The following AKAP19 variants were observed in gnomAD, a reference collection of about 807,000 sequenced individuals.
AKAP19 encodes A-kinase anchoring protein 19, also known as small A-kinase anchoring protein.
chr2:190,055,520 T>C, the AKAP19 span, among the ~76,000 whole-genome samples: 1 of 152,174 alleles, frequency 6.6e-6, no homozygotes, highest in Non-Finnish European at 1.5e-5. Context: ...ATATAACTAC[T>C]CCTTGCTTTC....
the AKAP19 span, among the ~76,000 whole-genome samples, chr2:190,042,216 G>A: frequency 6.6e-6 from 1 of 152,036 alleles, no homozygotes; most frequent in Non-Finnish European, 1.5e-5. Flanking sequence ...GTCTGTTCAG[G>A]GAATCAGTTA....
chr2:189,921,167 GT>G, the AKAP19 span, among the ~76,000 whole-genome samples: 1 of 152,152 alleles, frequency 6.6e-6, no homozygotes, highest in Non-Finnish European at 1.5e-5. Context: ...TGTGAAATGT[GT>G]TTTGTAACCA....
the AKAP19 span, among the ~76,000 whole-genome samples, chr2:190,155,566 C>A: frequency 0.46 from 70,188 of 151,884 alleles, 16,746 homozygotes; most frequent in Middle Eastern, 0.54. Flanking sequence ...CTGGACTTGA[C>A]CAGGAGGAAA....
chr2:189,911,612 A>C, the AKAP19 span, among the ~76,000 whole-genome samples: 1 of 152,110 alleles, frequency 6.6e-6, no homozygotes, highest in Non-Finnish European at 1.5e-5. Context: ...AATTTGACTA[A>C]ATTTATTGTA....
chr2:189,952,097 T>C, the AKAP19 span, among the ~76,000 whole-genome samples: 1 of 152,266 alleles, frequency 6.6e-6, no homozygotes, highest in Non-Finnish European at 1.5e-5. Flanking sequence ...CTTTGTCTTG[T>C]ATCCTCACAA....
the AKAP19 span, chr2:189,930,166 A>G: frequency 6.3e-6 from 1 of 157,844 alleles, no homozygotes; most frequent in Admixed American, 6.5e-5. Context: ...ACTTTTGTGC[A>G]TGATCTTAAT....
At chr2:190,116,518 A>C in the AKAP19 span, among the ~76,000 whole-genome samples, 1 of 152,210 alleles carries the variant, frequency 6.6e-6, no homozygotes, top group African/African-American at 2.4e-5. Flanking sequence ...TTTGGGGGAT[A>C]CAGTTAAAAC....
chr2:189,932,104 G>T, the AKAP19 span, among the ~76,000 whole-genome samples: 1 of 152,204 alleles, frequency 6.6e-6, no homozygotes, highest in Non-Finnish European at 1.5e-5. Context: ...GAGATTAACA[G>T]ATGATCATCT....
At chr2:190,119,794 T>G in the AKAP19 span, among the ~76,000 whole-genome samples, 4 of 151,992 alleles carry the variant, frequency 2.6e-5, no homozygotes, top group East Asian at 5.8e-4. Flanking sequence ...AAACAGATAT[T>G]TGAAAGAAAA....
the AKAP19 span, among the ~76,000 whole-genome samples, chr2:190,003,277 C>T: frequency 3.3e-5 from 5 of 151,804 alleles, no homozygotes; most frequent in Middle Eastern, 3.4e-3. Flanking sequence ...TAATTTTTAC[C>T]TCATATTTTT....
At chr2:190,163,205 C>T in the AKAP19 span, among the ~76,000 whole-genome samples, 3 of 151,428 alleles carry the variant, frequency 2.0e-5, no homozygotes, top group East Asian at 1.9e-4. Context: ...GAGGCCGAGA[C>T]GGGCGGATCA....
At chr2:190,026,701 T>C in the AKAP19 span, among the ~76,000 whole-genome samples, 13 of 152,182 alleles carry the variant, frequency 8.5e-5, no homozygotes, top group African/African-American at 3.1e-4. Flanking sequence ...AGAAACATCA[T>C]TTTCAAGTTA....
At chr2:189,889,718 A>T in the AKAP19 span, among the ~76,000 whole-genome samples, 9 of 152,222 alleles carry the variant, frequency 5.9e-5, no homozygotes, top group African/African-American at 1.9e-4. Context: ...ATTTGCATAG[A>T]GTTGTTTATA....
chr2:189,992,740 T>A, the AKAP19 span, among the ~76,000 whole-genome samples: 1 of 152,218 alleles, frequency 6.6e-6, no homozygotes, highest in Admixed American at 6.5e-5. Flanking sequence ...TTTCACCTCC[T>A]TGGTCAGGTA....
chr2:189,943,520 G>A, the AKAP19 span, among the ~76,000 whole-genome samples: 1 of 152,234 alleles, frequency 6.6e-6, no homozygotes. Context: ...CAGTGCCAAG[G>A]GGAAATGTGG....
the AKAP19 span, among the ~76,000 whole-genome samples, chr2:190,146,352 T>A: frequency 6.6e-6 from 1 of 152,380 alleles, no homozygotes; most frequent in East Asian, 1.9e-4. Context: ...TTCCGTCATT[T>A]ATATATATCA....
the AKAP19 span, among the ~76,000 whole-genome samples, chr2:189,965,382 A>C: frequency 6.6e-6 from 1 of 152,146 alleles, no homozygotes; most frequent in Non-Finnish European, 1.5e-5. Flanking sequence ...GTACAGTCAA[A>C]GTGAGCACAG....
At chr2:190,020,070 G>A in the AKAP19 span, among the ~76,000 whole-genome samples, 2 of 152,096 alleles carry the variant, frequency 1.3e-5, no homozygotes, top group Non-Finnish European at 2.9e-5. Context: ...TAGTAGTTTT[G>A]CTGAATTAAT....
chr2:189,903,753 TAGTA>T, the AKAP19 span, among the ~76,000 whole-genome samples: 1 of 151,948 alleles, frequency 6.6e-6, no homozygotes, highest in Non-Finnish European at 1.5e-5. Context: ...GTAGGCAATA[TAGTA>T]CCCAATAAGT....
Sources: gnomAD v4.1 joint callset for allele counts (sites outside exome capture counted in the v4.1 genomes callset) on GRCh38, gnomAD v4.1.1 for gene constraint, MANE v1.5 for transcripts, NCBI Gene and HGNC (gene_info 2026-07-23, HGNC 2026-07-21) for gene names.